Variants in CTNND2 observed in about 807,000 individuals in gnomAD.
CTNND2 encodes catenin delta 2.
A neutral mutation model predicts 144.4 loss-of-function variants in CTNND2; 22 were observed. The observed-to-expected ratio is 0.15, with a 90% confidence interval of 0.11 to 0.22. CTNND2 has a LOEUF of 0.22. Ranked by LOEUF, CTNND2 falls within the 10% of genes least tolerant of loss-of-function variation. The pLI, the probability that CTNND2 is intolerant of heterozygous loss-of-function variation, is 1.00. For missense variants in CTNND2, 1,353 were observed against 1,618.8 expected (o/e 0.84, Z 2.82); for synonymous variants, 751 against 695.6 (o/e 1.08, Z -1.25).
intron 9 of CTNND2, among the ~76,000 whole-genome samples, chr5:11,250,315 G>T (rs923203448): frequency 6.6e-6 from 1 of 151,592 alleles, no homozygotes; most frequent in African/African-American, 2.4e-5. Context: ...CAATATAATG[G>T]TACCCAATTA....
At chr5:11,780,570 C>A (rs1310960503) in intron 1 of CTNND2, among the ~76,000 whole-genome samples, 1 of 152,156 alleles carries the variant, frequency 6.6e-6, no homozygotes, top group Non-Finnish European at 1.5e-5. Context: ...CTAGACTCCA[C>A]AGCCAGCAGG....
chr5:11,512,909 C>T (rs911406771), intron 3 of CTNND2, among the ~76,000 whole-genome samples: 1 of 152,186 alleles, frequency 6.6e-6, no homozygotes, highest in African/African-American at 2.4e-5. Flanking sequence ...CTCAAGTATA[C>T]ATGTTCAAGT....
intron 2 of CTNND2, among the ~76,000 whole-genome samples, chr5:11,569,654 T>C (rs1249319947): frequency 6.6e-6 from 1 of 152,110 alleles, no homozygotes; most frequent in Non-Finnish European, 1.5e-5. Context: ...CTTAACTTTG[T>C]GGTATAGCAT....
intron 1 of CTNND2, among the ~76,000 whole-genome samples, chr5:11,777,230 C>T (rs376596627): frequency 8.5e-5 from 13 of 152,274 alleles, no homozygotes; most frequent in African/African-American, 3.1e-4. Context: ...CCTTCAGCTA[C>T]AAATGAATCA....
intron 1 of CTNND2, among the ~76,000 whole-genome samples, chr5:11,806,278 T>C (rs1014218314): frequency 2.0e-5 from 3 of 152,268 alleles, no homozygotes; most frequent in African/African-American, 7.2e-5. Context: ...TATGAGAACT[T>C]TGTACTATCT....
intron 3 of CTNND2, among the ~76,000 whole-genome samples, chr5:11,520,531 T>C (rs558560097): frequency 6.6e-6 from 1 of 152,346 alleles, no homozygotes; most frequent in Non-Finnish European, 1.5e-5. Context: ...AGGATCCCTT[T>C]CACAAGTGTT....
At chr5:11,825,217 T>C (rs1183763389) in intron 1 of CTNND2, among the ~76,000 whole-genome samples, 1 of 151,524 alleles carries the variant, frequency 6.6e-6, no homozygotes, top group African/African-American at 2.4e-5. Flanking sequence ...ATAGAAGAGG[T>C]GGGAACACGC....
At chr5:11,685,699 A>G (rs1286587673) in intron 2 of CTNND2, among the ~76,000 whole-genome samples, 2 of 152,208 alleles carry the variant, frequency 1.3e-5, no homozygotes, top group Non-Finnish European at 2.9e-5. Context: ...ACCCAATCCT[A>G]CTACTACGAA....
chr5:11,709,055 T>A (rs1405322977), intron 2 of CTNND2, among the ~76,000 whole-genome samples: 2 of 152,166 alleles, frequency 1.3e-5, no homozygotes, highest in African/African-American at 4.8e-5. Context: ...AAACTAGGTA[T>A]CCTGTAAGAT....
At chr5:11,605,577 A>T (rs1780002997) in intron 2 of CTNND2, among the ~76,000 whole-genome samples, 1 of 152,344 alleles carries the variant, frequency 6.6e-6, no homozygotes, top group Non-Finnish European at 1.5e-5. Flanking sequence ...GTTTTTAAAA[A>T]AGATCCACTT....
intron 9 of CTNND2, among the ~76,000 whole-genome samples, chr5:11,248,332 T>TAAC (rs1743215194): frequency 6.7e-6 from 1 of 149,138 alleles, no homozygotes; most frequent in Non-Finnish European, 1.5e-5. Flanking sequence ...AATGTTTTAT[T>TAAC]ATACATACAT....
intron 18 of CTNND2, among the ~76,000 whole-genome samples, chr5:11,008,509 T>C (rs1053325561): frequency 2.6e-5 from 4 of 152,076 alleles, no homozygotes; most frequent in African/African-American, 9.7e-5. Flanking sequence ...GGAAACAGAT[T>C]CTCTAGAAAA....
In CTNND2 at chr5:11,385,089, C is replaced by CGCGGCGGCG. The variant is rs578098885; in HGVS notation, c.744_752dup (p.Ala249_Ala251dup). 1.2e-5 allele frequency: 13 copies of CGCGGCGGCG among 1,054,218 alleles called. No homozygotes were observed. The African/African-American group carries it at 1.6e-4, about 13-fold the overall frequency. 65.3% of individuals were successfully genotyped at this position (1,054,218 alleles called of 1,614,324 possible). The stretch of plus-strand genomic sequence containing the variant: ...GCAGCGTGGAGCTGGAGTAGTAGAG[C>CGCGGCGGCG]GCGGCGGCGGCGGCGGCGGGCGGCG... On this transcript the variant is annotated inframe_insertion, in exon 7 of 22. Coordinates refer to ENST00000304623, the MANE Select transcript of CTNND2 (RefSeq NM_001332.4).
Position 11,560,705 on chromosome 5 carries a change from T to C in CTNND2, c.287+4239A>G, listed in dbSNP as rs112802636. 3.3e-4 allele frequency among the ~76,000 whole-genome samples: 50 copies of C among 152,222 alleles called. 1 individual carries two copies. Among genetic ancestry groups the C allele is most frequent in the African/African-American group, 9.9e-4 (41 of 41,532 alleles). ...CCAGTCTGTGCTGATCGAGAAGACA[T>C]TCAGAAGGATATGAGCCCTGAGGTG... is the stretch of plus-strand genomic sequence containing the variant. On this transcript the variant is annotated intron_variant, in intron 3 of 21. Transcript: ENST00000304623.
At chr5:11,551,443 T>C (rs1775758626) in intron 3 of CTNND2, among the ~76,000 whole-genome samples, 1 of 148,434 alleles carries the variant, frequency 6.7e-6, no homozygotes, top group Non-Finnish European at 1.5e-5. Flanking sequence ...TTTTTTTTTT[T>C]TTTTTTTTTT....
chr5:11,411,972 A>G, intron 4 of CTNND2, 63 bp downstream of exon 4: 1 of 1,320,626 alleles, frequency 7.6e-7, no homozygotes, highest in South Asian at 1.2e-5. Flanking sequence ...AAAGTTCATA[A>G]GAAAAGTCAT....
chr5:11,454,599 CCT>C (rs1491126446), intron 3 of CTNND2, among the ~76,000 whole-genome samples: 148 of 151,172 alleles, frequency 9.8e-4, no homozygotes, highest in African/African-American at 3.5e-3. Context: ...AGTTTTTTTT[CCT>C]TTTTTTTTTT....
At chr5:11,768,610 A>T (rs1445227569) in intron 1 of CTNND2, among the ~76,000 whole-genome samples, 1 of 152,224 alleles carries the variant, frequency 6.6e-6, no homozygotes, top group East Asian at 1.9e-4. Flanking sequence ...TAGCCAAAAC[A>T]TCTGAGACAC....
intron 8 of CTNND2, among the ~76,000 whole-genome samples, chr5:11,360,460 A>C (rs1008434749): frequency 1.3e-5 from 2 of 152,154 alleles, no homozygotes; most frequent in African/African-American, 2.4e-5. Context: ...AGAGCAGGGC[A>C]GAAAGAGTAG....
Sources: allele counts gnomAD v4.1 joint callset (sites outside exome capture counted in the v4.1 genomes callset), GRCh38; gene constraint gnomAD v4.1.1; transcripts MANE v1.5; gene names NCBI Gene and HGNC (gene_info 2026-07-23, HGNC 2026-07-21).